The following HIRA variants were observed in gnomAD, a reference collection of about 807,000 sequenced individuals.
HIRA encodes the protein histone cell cycle regulator.
HIRA carries 13 observed loss-of-function variants against 126.6 expected under a neutral mutation model. That is an observed-to-expected ratio of 0.10 (90% CI 0.07 to 0.16). The LOEUF (loss-of-function observed/expected upper bound fraction) is 0.16, where lower values mean the gene tolerates loss of function less well. HIRA is among the 10% of genes least tolerant of loss of function. The pLI is 1.00. For synonymous variants in HIRA, 511 were observed against 520.0 expected, an observed-to-expected ratio of 0.98 and a Z score of 0.24; for missense variants, 834 against 1,314.4, an observed-to-expected ratio of 0.63 and a Z score of 5.65.
At chr22:19,424,301 G>A (rs2089472045) in intron 1 of HIRA, among the ~76,000 whole-genome samples, 1 of 152,222 alleles carries the variant, frequency 6.6e-6, no homozygotes, top group African/African-American at 2.4e-5. Flanking sequence ...ACATGACCTA[G>A]TTGGACCAAT....
At chr22:19,344,008 G>A (rs1556008256) in intron 24 of HIRA, among the ~76,000 whole-genome samples, 2 of 151,958 alleles carry the variant, frequency 1.3e-5, no homozygotes, top group African/African-American at 4.8e-5. Context: ...CACCACGCCT[G>A]GCTGAAAAAA....
At chr22:19,399,889 G>A (rs376709901) in intron 5 of HIRA, among the ~76,000 whole-genome samples, 13 of 151,960 alleles carry the variant, frequency 8.6e-5, no homozygotes, top group Non-Finnish European at 1.3e-4. Context: ...GAAGTGTTTC[G>A]GGCAGTGGGT....
At position 19,387,693 on chromosome 22, in the gene HIRA, C is replaced by A. The variant is rs766485669; in HGVS notation, c.1113+18G>T. 2 of 1,605,078 alleles carry A rather than the reference C, an allele frequency of 1.2e-6. No homozygotes were observed. The highest frequency in any genetic ancestry group is 1.7e-5 in the Admixed American group (1 of 59,814). Reference sequence around the variant, plus strand: ...AATGGCCACAGAGCACCCAGCAGCACAAGAGCCGTCAGCCTACCTTCTCCT... The same window carrying A: ...AATGGCCACAGAGCACCCAGCAGCAAAAGAGCCGTCAGCCTACCTTCTCCT... On this transcript the variant is annotated intron_variant, in intron 11 of 24. Transcript: ENST00000263208.
chr22:19,361,883 C>T lies in HIRA; in HGVS notation c.1824G>A (p.Leu608=). 4 of 1,614,236 alleles carry T rather than the reference C, an allele frequency of 2.5e-6. No individual in the cohort carries two copies. Among genetic ancestry groups the T allele is most frequent in the Non-Finnish European group, 3.4e-6 (4 of 1,180,042 alleles). ...LVKELRPRDL[L]ESSSDSDEKV... is the part of the protein sequence containing the mutation. ...TCTCATCGCTGTCACTGCTGCTCTCCAGGAGGTCTCGGGGCCTCAGCTCTT... is the reference window on the plus strand; with the variant it reads ...TCTCATCGCTGTCACTGCTGCTCTCTAGGAGGTCTCGGGGCCTCAGCTCTT... The change falls in exon 16 of 25, where the codon CTG becomes CTA. Residue 608 remains leucine, a synonymous_variant. Coordinates refer to ENST00000263208, the MANE Select transcript of HIRA (RefSeq NM_003325.4).
At chr22:19,397,149 G>A (rs1201610837) in intron 6 of HIRA, among the ~76,000 whole-genome samples, 1 of 152,158 alleles carries the variant, frequency 6.6e-6, no homozygotes, top group Non-Finnish European at 1.5e-5. Context: ...CATCAAGGAG[G>A]CAGGCACCAA....
chr22:19,364,092 G>A (rs9618549), intron 15 of HIRA, among the ~76,000 whole-genome samples: 16,086 of 151,848 alleles, frequency 0.11, 2,479 homozygotes, highest in African/African-American at 0.34. Flanking sequence ...AGGCGGGCAT[G>A]TGGGAACTCT....
chr22:19,428,994 A>G (rs545393099), intron 1 of HIRA, among the ~76,000 whole-genome samples: 1 of 152,290 alleles, frequency 6.6e-6, no homozygotes, highest in Admixed American at 6.5e-5. Context: ...GATTCAGACC[A>G]GCATCATCTC....
intron 13 of HIRA, among the ~76,000 whole-genome samples, chr22:19,382,689 C>T (rs904009909): frequency 2.0e-5 from 3 of 151,872 alleles, no homozygotes; most frequent in Non-Finnish European, 2.9e-5. Context: ...AGCAGATAGA[C>T]GGAATGAGAA....
intron 17 of HIRA, among the ~76,000 whole-genome samples, chr22:19,359,954 C>G (rs1601816562): frequency 6.6e-6 from 1 of 152,074 alleles, no homozygotes; most frequent in East Asian, 1.9e-4. Context: ...TTTAGAAAAC[C>G]CCCAAAGGGG....
chr22:19,430,623 G>A (rs1305852951), intron 1 of HIRA, among the ~76,000 whole-genome samples: 1 of 149,802 alleles, frequency 6.7e-6, no homozygotes, highest in Non-Finnish European at 1.5e-5. Context: ...CTACAGTGCT[G>A]TCAGCAGAGT....
At chr22:19,363,475 G>A (rs1164855125) in intron 15 of HIRA, among the ~76,000 whole-genome samples, 1 of 151,960 alleles carries the variant, frequency 6.6e-6, no homozygotes, top group Non-Finnish European at 1.5e-5. Flanking sequence ...ATAAATACAA[G>A]AAAAGGGGTG....
chr22:19,409,829 TTC>T (rs1347092358), intron 2 of HIRA, among the ~76,000 whole-genome samples: 2 of 152,218 alleles, frequency 1.3e-5, no homozygotes, highest in African/African-American at 4.8e-5. Flanking sequence ...AGTCCATGTG[TTC>T]TCTCTCATGT....
intron 24 of HIRA, among the ~76,000 whole-genome samples, chr22:19,335,661 C>A (rs1413816669): frequency 6.6e-6 from 1 of 151,568 alleles, no homozygotes; most frequent in Non-Finnish European, 1.5e-5. Context: ...ATATAAATAA[C>A]CAGTTTCCTA....
chr22:19,423,061 T>G (rs921319504), intron 1 of HIRA, among the ~76,000 whole-genome samples: 5 of 152,110 alleles, frequency 3.3e-5, no homozygotes, highest in Admixed American at 6.6e-5. Flanking sequence ...CTTCCTTCAC[T>G]CCTTCAATGG....
At chr22:19,379,818 C>CT (rs199934707) in intron 13 of HIRA, among the ~76,000 whole-genome samples, 5 of 150,374 alleles carry the variant, frequency 3.3e-5, no homozygotes, top group Non-Finnish European at 5.9e-5. Flanking sequence ...TATTTATGGC[C>CT]TTTTTTTTTG....
intron 1 of HIRA, among the ~76,000 whole-genome samples, chr22:19,417,346 G>C (rs1045551015): frequency 1.3e-5 from 2 of 152,018 alleles, no homozygotes; most frequent in African/African-American, 4.8e-5. Flanking sequence ...ACTAACGGCT[G>C]GGTGCGGTGG....
rs775640715 is a variant in HIRA, at chr22:19,388,570, C to T, written c.937-16G>A. The T allele has an allele frequency of 6.2e-7, 1 of 1,604,622 alleles. No individual in the cohort carries two copies. The highest frequency in any genetic ancestry group is 8.5e-7 in the Non-Finnish European group (1 of 1,171,392). Reference sequence around the variant, plus strand: ...GACATGTGAGCTGGAAGGAAAGACACAGTCAAGGTTAATGAAATTACTGAA... The same window carrying T: ...GACATGTGAGCTGGAAGGAAAGACATAGTCAAGGTTAATGAAATTACTGAA... On this transcript the variant is annotated splice_polypyrimidine_tract_variant and intron_variant, in intron 9 of 24. Coordinates refer to ENST00000263208, the MANE Select transcript of HIRA (RefSeq NM_003325.4).
intron 24 of HIRA, among the ~76,000 whole-genome samples, chr22:19,343,327 G>A (rs2088651928): frequency 6.6e-6 from 1 of 152,096 alleles, no homozygotes; most frequent in Admixed American, 6.5e-5. Context: ...TGAGGTAGGT[G>A]GATTGCTTGA....
At chr22:19,379,202 C>T (rs1026144239) in intron 13 of HIRA, among the ~76,000 whole-genome samples, 1 of 151,336 alleles carries the variant, frequency 6.6e-6, no homozygotes, top group Non-Finnish European at 1.5e-5. Flanking sequence ...TTAGTAGAGA[C>T]GGGGTTTAAC....
Sources: gnomAD v4.1 joint callset for allele counts (sites outside exome capture counted in the v4.1 genomes callset) on GRCh38, gnomAD v4.1.1 for gene constraint, MANE v1.5 for transcripts, NCBI Gene and HGNC (gene_info 2026-07-23, HGNC 2026-07-21) for gene names.